Variants in CCDC30 observed in about 807,000 individuals in gnomAD.
CCDC30 encodes coiled-coil domain-containing protein 30.
CCDC30 carries 70 observed loss-of-function variants against 100.2 expected under a neutral mutation model. That is an observed-to-expected ratio of 0.70 (90% CI 0.58 to 0.85). The LOEUF (loss-of-function observed/expected upper bound fraction) is 0.85, where lower values mean the gene tolerates loss of function less well. Ranked by LOEUF, CCDC30 falls within the 40% of genes least tolerant of loss-of-function variation. The pLI is 0.00. For synonymous variants in CCDC30, 233 were observed against 269.5 expected (o/e 0.86, Z 1.33); for missense variants, 652 against 771.2 (o/e 0.85, Z 1.83).
intron 6 of CCDC30, among the ~76,000 whole-genome samples, chr1:42,525,640 ATAT>A (rs1644712447): frequency 6.6e-6 from 1 of 152,198 alleles, no homozygotes; most frequent in African/African-American, 2.4e-5. Flanking sequence ...TATGAATTTT[ATAT>A]TGTCGAGGAC....
exon 17 of CCDC30, chr1:42,653,876 A>G (rs1259455888): frequency 2.5e-6 from 4 of 1,614,168 alleles, no homozygotes; most frequent in Non-Finnish European, 2.5e-6. Context: ...TGAAGAGATC[A>G]AGTCAAAAGA....
intron 10 of CCDC30, among the ~76,000 whole-genome samples, chr1:42,609,788 A>G (rs1271956386): frequency 6.6e-6 from 1 of 152,140 alleles, no homozygotes; most frequent in Non-Finnish European, 1.5e-5. Context: ...TTCAAACTTA[A>G]TCTCCTTAGA....
intron 4 of CCDC30, among the ~76,000 whole-genome samples, chr1:42,495,844 A>G (rs1001121642): frequency 6.6e-6 from 1 of 152,250 alleles, no homozygotes; most frequent in Non-Finnish European, 1.5e-5. Flanking sequence ...AGAAAATTGA[A>G]GAAGAGAATA....
In CCDC30 at chr1:42,527,839, C is replaced by CT. The variant is rs869204066; in HGVS notation, c.456+28932dup. On this transcript the variant is annotated intron_variant, in intron 6 of 16. Transcript: ENST00000668663. The stretch of plus-strand genomic sequence containing the variant: ...TTTAACCTCATCTTCTCTACTCTTT[C>CT]TTTTTTTTTCTTTTTCTTTCTTTCT... Among the ~76,000 whole-genome samples the CT allele has an allele frequency of 8.6e-5, 13 of 150,988 alleles. No homozygotes were observed. The South Asian group carries it at 1.5e-3, about 17-fold the overall frequency.
At chr1:42,589,391 C>T (rs746425969) in exon 10 of CCDC30, 1 of 1,613,570 alleles carries the variant, frequency 6.2e-7, no homozygotes, top group Non-Finnish European at 8.5e-7. Flanking sequence ...AGAAAATCTA[C>T]TGGAAATGAC....
chr1:42,627,067 C>A (rs1301377233), intron 11 of CCDC30, among the ~76,000 whole-genome samples: 2 of 152,154 alleles, frequency 1.3e-5, no homozygotes, highest in African/African-American at 2.4e-5. Context: ...AAGTTTGGAA[C>A]CTCCTAGAGA....
In CCDC30 at chr1:42,486,780, G is replaced by T. The variant is rs115335346; in HGVS notation, c.170-3378G>T. On this transcript the variant is annotated intron_variant, in intron 3 of 16. Coordinates refer to ENST00000668663, the Ensembl canonical transcript of CCDC30. ...GTCCTCTTAGCACATCACCAAACCT[G>T]GGGGTGACCTTGGGAACTCCTGACA... Among the ~76,000 whole-genome samples the T allele has an allele frequency of 1.1e-3, 165 of 152,200 alleles. 1 individual carries two copies. The highest frequency in any genetic ancestry group is 3.8e-3 in the African/African-American group (157 of 41,532).
intron 10 of CCDC30, chr1:42,591,158 C>T (rs1480224091): frequency 6.6e-6 from 1 of 152,172 alleles, no homozygotes; most frequent in African/African-American, 2.4e-5. Context: ...AGAAAGAATC[C>T]CAGCAGGGTA....
intron 12 of CCDC30, among the ~76,000 whole-genome samples, chr1:42,638,854 G>A (rs1647217137): frequency 6.6e-6 from 1 of 151,610 alleles, no homozygotes; most frequent in South Asian, 2.1e-4. Flanking sequence ...CTAGCCTGGG[G>A]GACAAGAGCA....
At chr1:42,457,083 C>G in the CCDC30 span, 1 of 1,586,046 alleles carries the variant, frequency 6.3e-7, no homozygotes, top group Non-Finnish European at 8.5e-7. Flanking sequence ...GGTGCGTGCC[C>G]TAGGAGTACC....
At chr1:42,473,992 A>G (rs949391707) in intron 1 of CCDC30, among the ~76,000 whole-genome samples, 1 of 151,472 alleles carries the variant, frequency 6.6e-6, no homozygotes, top group African/African-American at 2.4e-5. Context: ...CCCTATTGTT[A>G]CTCTCTTGGA....
chr1:42,457,017 C>G, the CCDC30 span: 4 of 1,601,722 alleles, frequency 2.5e-6, no homozygotes, highest in Non-Finnish European at 3.4e-6. Context: ...GAGTTCACCA[C>G]TTTGGCGGAC....
At chr1:42,513,110 C>T (rs1386453994) in intron 6 of CCDC30, among the ~76,000 whole-genome samples, 1 of 152,102 alleles carries the variant, frequency 6.6e-6, no homozygotes, top group African/African-American at 2.4e-5. Context: ...GCATCATTGT[C>T]TGGGGAAATA....
At chr1:42,632,517 AC>A (rs1483064927) in intron 11 of CCDC30, among the ~76,000 whole-genome samples, 1 of 151,920 alleles carries the variant, frequency 6.6e-6, no homozygotes, top group Non-Finnish European at 1.5e-5. Context: ...TAATCCCAGA[AC>A]TTTGGGAGGC....
At chr1:42,523,830 GT>G (rs1488278033) in intron 6 of CCDC30, among the ~76,000 whole-genome samples, 2 of 151,870 alleles carry the variant, frequency 1.3e-5, no homozygotes, top group Non-Finnish European at 2.9e-5. Context: ...ATATCTTCAG[GT>G]TCACTGATTA....
At chr1:42,569,115 A>C (rs982477125) in intron 7 of CCDC30, 4 of 152,158 alleles carry the variant, frequency 2.6e-5, no homozygotes, top group Non-Finnish European at 1.5e-5. Context: ...ATGACACGCA[A>C]ATTTGTGAAG....
At chr1:42,599,703 AATGG>A (rs1464519718) in intron 10 of CCDC30, among the ~76,000 whole-genome samples, 1 of 152,212 alleles carries the variant, frequency 6.6e-6, no homozygotes, top group Non-Finnish European at 1.5e-5. Context: ...ATTAAAAGTA[AATGG>A]ATGGAGAAGG....
At chr1:42,467,088 A>G (rs887164995) in intron 1 of CCDC30, among the ~76,000 whole-genome samples, 3 of 152,164 alleles carry the variant, frequency 2.0e-5, no homozygotes, top group African/African-American at 7.2e-5. Flanking sequence ...CATGATAGGG[A>G]CCAATAAGTA....
chr1:42,471,932 A>G (rs1445601523), intron 1 of CCDC30, among the ~76,000 whole-genome samples: 1 of 152,212 alleles, frequency 6.6e-6, no homozygotes, highest in Non-Finnish European at 1.5e-5. Flanking sequence ...CTGAAGTACA[A>G]TAACAATTAT....
Sources: allele counts gnomAD v4.1 joint callset (sites outside exome capture counted in the v4.1 genomes callset), GRCh38; gene constraint gnomAD v4.1.1; transcripts MANE v1.5; gene names NCBI Gene and HGNC (gene_info 2026-07-23, HGNC 2026-07-21).